The following CUEDC1 variants were observed in gnomAD, a reference collection of about 807,000 sequenced individuals.
CUEDC1 encodes the protein CUE domain containing 1.
CUEDC1 carries 30 observed loss-of-function variants against 43.7 expected under a neutral mutation model. The ratio of observed to expected loss-of-function variants is 0.69; its 90% CI spans 0.51 to 0.93. The LOEUF (loss-of-function observed/expected upper bound fraction) is 0.93, where lower values mean the gene tolerates loss of function less well. Among genes scored for constraint, CUEDC1 ranks in the 40% least tolerant of loss-of-function variants. CUEDC1 has a pLI of 0.00. For synonymous variants in CUEDC1, 223 were observed against 223.6 expected (o/e 1.00, Z 0.02); for missense variants, 486 against 549.0 (o/e 0.89, Z 1.15).
intron 1 of CUEDC1, among the ~76,000 whole-genome samples, chr17:57,897,586 T>C (rs973780569): frequency 6.8e-6 from 1 of 147,316 alleles, no homozygotes; most frequent in Non-Finnish European, 1.5e-5. Flanking sequence ...AGGAGAATGG[T>C]GTGAACCCAG....
intron 1 of CUEDC1, among the ~76,000 whole-genome samples, chr17:57,906,512 A>G (rs2074531036): frequency 6.6e-6 from 1 of 152,234 alleles, no homozygotes; most frequent in African/African-American, 2.4e-5. Context: ...GTTTGGGATG[A>G]TAAACAAGTT....
intron 9 of CUEDC1, 147 bp downstream of exon 9, chr17:57,867,210 A>T (rs778400170): frequency 8.2e-6 from 6 of 728,574 alleles, no homozygotes; most frequent in Non-Finnish European, 1.4e-5. Flanking sequence ...AGTCAGGGGG[A>T]TCCATATCTT....
At chr17:57,921,821 A>G (rs1478163129) in intron 1 of CUEDC1, among the ~76,000 whole-genome samples, 2 of 152,128 alleles carry the variant, frequency 1.3e-5, no homozygotes, top group Admixed American at 1.3e-4. Flanking sequence ...GTATCTTAGA[A>G]GTCAGATTTG....
chr17:57,943,480 A>C (rs1194862605), intron 1 of CUEDC1, among the ~76,000 whole-genome samples: 1 of 152,206 alleles, frequency 6.6e-6, no homozygotes, highest in African/African-American at 2.4e-5. Context: ...ATATGCATTT[A>C]ATAGAAATGC....
chr17:57,885,233 G>A lies in CUEDC1; in HGVS notation c.332C>T (p.Pro111Leu), dbSNP rs775606075. ...DSSDSEDSIP[P>L]EILERTLEPD... Reference sequence around the variant, plus strand: ...TTACCCGGGCTGCGCCCCTACCTCCGGGGGGATGCTGTCCTCCGAGTCGGA... The same window carrying A: ...TTACCCGGGCTGCGCCCCTACCTCCAGGGGGATGCTGTCCTCCGAGTCGGA... Residue 111 changes from proline to leucine, a missense_variant, in exon 2 of 11, where the codon CCG (proline) becomes CTG (leucine). By Grantham distance (98) the Pro-to-Leu change is moderately conservative. Transcript: ENST00000577830. 2.1e-5 allele frequency: 33 copies of A among 1,571,394 alleles called. No homozygotes were observed. The highest frequency in any genetic ancestry group is 7.0e-5 in the East Asian group (3 of 42,806).
chr17:57,895,397 C>T (rs1248875137), intron 1 of CUEDC1, among the ~76,000 whole-genome samples: 1 of 152,156 alleles, frequency 6.6e-6, no homozygotes, highest in Non-Finnish European at 1.5e-5. Context: ...ACAGGGTTGC[C>T]CCTGGAGAGG....
intron 1 of CUEDC1, among the ~76,000 whole-genome samples, chr17:57,936,079 G>A (rs1336258581): frequency 6.6e-6 from 1 of 152,204 alleles, no homozygotes; most frequent in Non-Finnish European, 1.5e-5. Context: ...ATCAGGGGAG[G>A]CCAGACCAGG....
chr17:57,866,426 G>C, intron 10 of CUEDC1, 48 bp downstream of exon 10: 2 of 1,574,802 alleles, frequency 1.3e-6, no homozygotes, highest in Non-Finnish European at 1.7e-6. Context: ...TAGTGTGGGG[G>C]GCCCTGGCCT....
intron 1 of CUEDC1, among the ~76,000 whole-genome samples, chr17:57,933,706 C>T (rs1011230241): frequency 3.9e-5 from 6 of 152,188 alleles, no homozygotes; most frequent in Non-Finnish European, 8.8e-5. Context: ...GACTGGAAGG[C>T]ATGAAGCTGG....
At chr17:57,932,584 CAAAAAAAAAA>C (rs58304648) in intron 1 of CUEDC1, among the ~76,000 whole-genome samples, 26 of 46,494 alleles carry the variant, frequency 5.6e-4, no homozygotes, top group Non-Finnish European at 8.9e-4. Context: ...GACTCTGTCT[CAAAAAAAAAA>C]AAAAAAAAAA....
At position 57,885,450 on chromosome 17, in the gene CUEDC1, C is replaced by T; in HGVS notation, c.115G>A (p.Ala39Thr). 1 of 1,597,536 alleles carries T rather than the reference C, an allele frequency of 6.3e-7. No individual in the cohort carries two copies. The highest frequency in any genetic ancestry group is 8.5e-7 in the Non-Finnish European group (1 of 1,174,244). Residue 39 changes from alanine to threonine, a missense_variant, in exon 2 of 11, where the codon GCC (alanine) becomes ACC (threonine). Coordinates refer to ENST00000577830, the MANE Select transcript of CUEDC1 (RefSeq NM_001271875.2). The part of the protein sequence containing the change: ...APQELNNSRP[A>T]RQVRRLEFNQ... ...AACTCCAGGCGGCGCACCTGGCGGG[C>T]AGGCCGGCTGTTGTTGAGCTCCTGG...
At position 57,869,238 on chromosome 17, in the gene CUEDC1, T is replaced by C. The variant is rs568298332; in HGVS notation, c.869-45A>G. The C allele has an allele frequency of 2.2e-4, 340 of 1,574,086 alleles. 4 individuals are homozygous for C. The South Asian group carries it at 3.5e-3, about 16-fold the overall frequency. On this transcript the variant is annotated intron_variant, in intron 6 of 10. Transcript: ENST00000577830. ...GAAGGCCGGCCACCGTGGCCAGCCATGGCCGCTGTCCCAGCCCTACCCACC... is the reference window on the plus strand; with the variant it reads ...GAAGGCCGGCCACCGTGGCCAGCCACGGCCGCTGTCCCAGCCCTACCCACC...
intron 2 of CUEDC1, among the ~76,000 whole-genome samples, chr17:57,880,109 C>A (rs2074183576): frequency 6.6e-6 from 1 of 152,166 alleles, no homozygotes; most frequent in African/African-American, 2.4e-5. Context: ...ATACCAGGGG[C>A]ACTCCAGGTT....
Position 57,872,790 on chromosome 17 carries a change from C to A in CUEDC1, c.657G>T (p.Gly219=), listed in dbSNP as rs1362529981. 1.9e-6 allele frequency: 3 copies of A among 1,614,104 alleles called. No homozygotes were observed. The African/African-American group carries it at 4.0e-5, about 22-fold the overall frequency. The part of the protein sequence containing the change: ...EGCPPAMAGP[G]PGDQESRWKQ... ...TCCAGCGGCTCTCCTGGTCTCCGGG[C>A]CCTGGCCCAGCCATGGCAGGTGGAC... Residue 219 remains glycine (G), a synonymous_variant, in exon 5 of 11, where the codon GGG becomes GGT. Transcript: ENST00000577830.
At chr17:57,920,307 T>C (rs1322807009) in intron 1 of CUEDC1, among the ~76,000 whole-genome samples, 1 of 152,220 alleles carries the variant, frequency 6.6e-6, no homozygotes, top group African/African-American at 2.4e-5. Context: ...GGGATTCATA[T>C]GCACATCCAA....
At chr17:57,937,164 T>C (rs2074870521) in intron 1 of CUEDC1, among the ~76,000 whole-genome samples, 1 of 152,140 alleles carries the variant, frequency 6.6e-6, no homozygotes, top group Admixed American at 6.5e-5. Context: ...CATGGTTCCC[T>C]GGAATCAGCC....
At chr17:57,925,560 G>T (rs542322445) in intron 1 of CUEDC1, among the ~76,000 whole-genome samples, 1 of 152,186 alleles carries the variant, frequency 6.6e-6, no homozygotes, top group Non-Finnish European at 1.5e-5. Flanking sequence ...CTCTGCCCCA[G>T]GCAAAGAGAC....
At chr17:57,898,342 C>T (rs989547751) in intron 1 of CUEDC1, among the ~76,000 whole-genome samples, 1 of 152,106 alleles carries the variant, frequency 6.6e-6, no homozygotes, top group African/African-American at 2.4e-5. Context: ...AGGAAGCTGC[C>T]GGTGGAGGGG....
chr17:57,897,205 C>G (rs1597992615), intron 1 of CUEDC1, among the ~76,000 whole-genome samples: 1 of 152,296 alleles, frequency 6.6e-6, no homozygotes, highest in South Asian at 2.1e-4. Context: ...ATCAAATCCC[C>G]ACAGTACAGC....
Sources: allele counts gnomAD v4.1 joint callset (sites outside exome capture counted in the v4.1 genomes callset), GRCh38; gene constraint gnomAD v4.1.1; transcripts MANE v1.5; gene names NCBI Gene and HGNC (gene_info 2026-07-23, HGNC 2026-07-21).